GPC5: variants seen among roughly 807,000 people sequenced by gnomAD.
GPC5 encodes glypican 5.
A neutral mutation model predicts 53.9 loss-of-function variants in GPC5; 47 were observed. The observed-to-expected ratio is 0.87, with a 90% CI of 0.69 to 1.11. GPC5 has a LOEUF of 1.11. Among genes scored for constraint, GPC5 ranks in the 50% most tolerant of loss-of-function variants. The pLI is 0.00. For missense variants in GPC5, 748 were observed against 713.1 expected, an observed-to-expected ratio of 1.05 and a Z score of -0.56; for synonymous variants, 286 against 263.3, an observed-to-expected ratio of 1.09 and a Z score of -0.84.
At chr13:92,196,331 ACTT>A (rs1484066219) in intron 7 of GPC5, among the ~76,000 whole-genome samples, 1 of 152,156 alleles carries the variant, frequency 6.6e-6, no homozygotes, top group Non-Finnish European at 1.5e-5. Flanking sequence ...AAAGGTATGT[ACTT>A]CTTACACAGG....
intron 2 of GPC5, among the ~76,000 whole-genome samples, chr13:91,508,837 C>A (rs948308872): frequency 1.3e-5 from 2 of 152,150 alleles, no homozygotes; most frequent in African/African-American, 4.8e-5. Context: ...ATAAATTTAA[C>A]CCATTTTAAA....
intron 5 of GPC5, among the ~76,000 whole-genome samples, chr13:91,866,109 C>T (rs542007492): frequency 1.2e-4 from 19 of 152,120 alleles, no homozygotes; most frequent in Non-Finnish European, 2.4e-4. Flanking sequence ...CTCAGCTGAT[C>T]GACCCACCTC....
At chr13:91,620,484 G>A (rs563916731) in intron 2 of GPC5, among the ~76,000 whole-genome samples, 2 of 152,130 alleles carry the variant, frequency 1.3e-5, no homozygotes, top group Non-Finnish European at 2.9e-5. Flanking sequence ...TACCCATGAA[G>A]ATTGGGCTAC....
At chr13:91,654,302 AC>A (rs1168712170) in intron 2 of GPC5, among the ~76,000 whole-genome samples, 1 of 152,148 alleles carries the variant, frequency 6.6e-6, no homozygotes, top group African/African-American at 2.4e-5. Flanking sequence ...GCTTAAATAT[AC>A]TTGTATGAAG....
At chr13:92,260,327 G>A (rs977877430) in intron 7 of GPC5, among the ~76,000 whole-genome samples, 2 of 152,034 alleles carry the variant, frequency 1.3e-5, no homozygotes, top group Non-Finnish European at 2.9e-5. Context: ...ACTGTAATGC[G>A]GTTTATCTAA....
intron 7 of GPC5, among the ~76,000 whole-genome samples, chr13:92,223,455 G>C (rs762964269): frequency 6.6e-6 from 1 of 152,174 alleles, no homozygotes; most frequent in East Asian, 1.9e-4. Flanking sequence ...TTTATAACTA[G>C]CTATTTAGGG....
intron 2 of GPC5, among the ~76,000 whole-genome samples, chr13:91,641,353 C>CA (rs2034425014): frequency 6.6e-6 from 1 of 151,898 alleles, no homozygotes; most frequent in Admixed American, 6.6e-5. Flanking sequence ...CAAAACAAAA[C>CA]AAACAAACCA....
chr13:92,200,287 T>C (rs1326734975), intron 7 of GPC5, among the ~76,000 whole-genome samples: 1 of 152,210 alleles, frequency 6.6e-6, no homozygotes, highest in African/African-American at 2.4e-5. Flanking sequence ...TGAACGCTAT[T>C]GTGCTCTTAC....
intron 7 of GPC5, among the ~76,000 whole-genome samples, chr13:92,619,017 A>G (rs1368242699): frequency 6.6e-6 from 1 of 152,040 alleles, no homozygotes; most frequent in African/African-American, 2.4e-5. Flanking sequence ...CTGTCACTTT[A>G]TAATAGCAAA....
intron 7 of GPC5, among the ~76,000 whole-genome samples, chr13:92,221,092 C>T (rs938026174): frequency 2.6e-5 from 4 of 152,128 alleles, no homozygotes; most frequent in African/African-American, 9.7e-5. Context: ...GGGGTGGTCA[C>T]TCAACTCATG....
rs769837284 is a variant in GPC5, at chr13:92,208,220, G to A, written c.1561+63231G>A. On this transcript the variant is annotated intron_variant, in intron 7 of 7. Transcript: ENST00000377067. ...TCTGATCTTGGAACGGGGTTCTTCCGATGGCATTGGCATATCTGATTTTAA... is the reference window on the plus strand; with the variant it reads ...TCTGATCTTGGAACGGGGTTCTTCCAATGGCATTGGCATATCTGATTTTAA... Among the ~76,000 whole-genome samples, 10 of 152,170 alleles carry A rather than the reference G, an allele frequency of 6.6e-5. No homozygotes were observed. The East Asian group carries it at 1.2e-3, about 18-fold the overall frequency.
At chr13:92,813,688 A>C (rs1877370648) in intron 7 of GPC5, among the ~76,000 whole-genome samples, 1 of 152,038 alleles carries the variant, frequency 6.6e-6, no homozygotes, top group Non-Finnish European at 1.5e-5. Context: ...TCTTTACCAA[A>C]AATGTACAAT....
chr13:92,767,772 T>C (rs1039752832), intron 7 of GPC5, among the ~76,000 whole-genome samples: 10 of 152,212 alleles, frequency 6.6e-5, no homozygotes, highest in Non-Finnish European at 1.3e-4. Flanking sequence ...TACCTCATAA[T>C]GAATTTTTAT....
In GPC5 at chr13:91,599,016, T is replaced by C. The variant is rs1432712461; in HGVS notation, c.326-94171T>C. ...TACAAGTGCCAAAGGTTATCTTTAC[T>C]ATAATATTTTAATCACCTATTTATT... On this transcript the variant is annotated intron_variant, in intron 2 of 7. Transcript: ENST00000377067. Among the ~76,000 whole-genome samples the C allele has an allele frequency of 2.6e-5, 4 of 152,158 alleles. No individual in the cohort carries two copies. In the South Asian group the frequency reaches 6.2e-4, roughly 24 times the overall value.
chr13:92,484,315 C>G (rs1489734504), intron 7 of GPC5, among the ~76,000 whole-genome samples: 2 of 152,092 alleles, frequency 1.3e-5, no homozygotes, highest in South Asian at 4.1e-4. Context: ...CTGTCTGAAG[C>G]TGTTTTACAG....
rs562427468 is a variant in GPC5 at position 92,477,921 on chromosome 13, C to T, written c.1561+332932C>T. Among the ~76,000 whole-genome samples, 6 of 152,216 alleles carry T rather than the reference C, an allele frequency of 3.9e-5. No homozygotes were observed. In the South Asian group the frequency reaches 1.2e-3, roughly 32 times the overall value. ...AATGCTAAGTATTCAATGTACCTGG[C>T]ACTTTTGATCATTGTAATAGTAAAC... On this transcript the variant is annotated intron_variant, in intron 7 of 7. Transcript: ENST00000377067.
chr13:92,369,130 C>T (rs2043630438), intron 7 of GPC5, among the ~76,000 whole-genome samples: 1 of 152,184 alleles, frequency 6.6e-6, no homozygotes, highest in Non-Finnish European at 1.5e-5. Flanking sequence ...AGTTAAACAT[C>T]AGCTGTGAAT....
rs148606858 is a variant in GPC5, at chr13:91,727,623, T to C, written c.1021-909T>C. On this transcript the variant is annotated intron_variant, in intron 3 of 7. Coordinates refer to ENST00000377067, the MANE Select transcript of GPC5 (RefSeq NM_004466.6). ...TGGAAAATCAAAGAGATTTATAACTTTAAGGGAACTTTGGAATAATTTGTT... is the reference window on the plus strand; with the variant it reads ...TGGAAAATCAAAGAGATTTATAACTCTAAGGGAACTTTGGAATAATTTGTT... Among the ~76,000 whole-genome samples the C allele has an allele frequency of 5.2e-3, 795 of 152,312 alleles. 7 individuals are homozygous for C. The highest frequency in any genetic ancestry group is 0.018 in the African/African-American group (759 of 41,568).
At chr13:91,699,088 G>A (rs901951881) in intron 3 of GPC5, among the ~76,000 whole-genome samples, 5 of 152,148 alleles carry the variant, frequency 3.3e-5, no homozygotes, top group Non-Finnish European at 5.9e-5. Context: ...GTTCAAACAT[G>A]GATGAAATTA....
Sources: allele counts gnomAD v4.1 joint callset (sites outside exome capture counted in the v4.1 genomes callset), GRCh38; gene constraint gnomAD v4.1.1; transcripts MANE v1.5; gene names NCBI Gene and HGNC (gene_info 2026-07-23, HGNC 2026-07-21).